Variants in L3MBTL4 observed in about 807,000 individuals in gnomAD.
L3MBTL4 encodes lethal(3)malignant brain tumor-like protein 4.
A neutral mutation model predicts 84.5 loss-of-function variants in L3MBTL4; 70 were observed. The observed-to-expected ratio is 0.83, with a 90% CI of 0.68 to 1.01. The LOEUF (loss-of-function observed/expected upper bound fraction) is 1.01. Among genes scored for constraint, L3MBTL4 ranks in the 50% least tolerant of loss-of-function variants. The probability of loss-of-function intolerance (pLI) is 0.00; values close to 1 mark genes in which losing one functional copy is unlikely to be tolerated. For missense variants in L3MBTL4, 715 were observed against 754.8 expected (o/e 0.95, Z 0.62); for synonymous variants, 274 against 259.8 (o/e 1.05, Z -0.52).
chr18:6,237,615 C>T (rs1394439096), intron 10 of L3MBTL4, among the ~76,000 whole-genome samples: 2 of 151,680 alleles, frequency 1.3e-5, no homozygotes, highest in African/African-American at 4.8e-5. Flanking sequence ...ACCACCACAC[C>T]CAGCTAATTT....
intron 1 of L3MBTL4, among the ~76,000 whole-genome samples, chr18:6,314,232 T>C (rs1190729885): frequency 6.6e-6 from 1 of 152,216 alleles, no homozygotes; most frequent in African/African-American, 2.4e-5. Context: ...TCAAAATACA[T>C]GGATTACTCT....
intron 4 of L3MBTL4, among the ~76,000 whole-genome samples, chr18:6,268,823 T>A (rs1189868595): frequency 6.6e-6 from 1 of 152,242 alleles, no homozygotes; most frequent in Non-Finnish European, 1.5e-5. Context: ...TATGTGTATG[T>A]GTATACGTGT....
intron 1 of L3MBTL4, among the ~76,000 whole-genome samples, chr18:6,377,444 G>A (rs994301341): frequency 6.6e-6 from 1 of 152,084 alleles, no homozygotes; most frequent in African/African-American, 2.4e-5. Context: ...CATACATTAG[G>A]TATTTCTCCT....
intron 1 of L3MBTL4, among the ~76,000 whole-genome samples, chr18:6,391,126 A>T (rs1356762479): frequency 6.6e-6 from 1 of 152,184 alleles, no homozygotes; most frequent in African/African-American, 2.4e-5. Context: ...ACATCAAAAG[A>T]TAATACACCA....
At chr18:6,324,889 C>T (rs945456449) in intron 1 of L3MBTL4, among the ~76,000 whole-genome samples, 1 of 152,114 alleles carries the variant, frequency 6.6e-6, no homozygotes, top group Admixed American at 6.5e-5. Context: ...GCACTTCACA[C>T]CAAAATTTAT....
chr18:6,165,459 C>A (rs1349118305), intron 13 of L3MBTL4, among the ~76,000 whole-genome samples: 3 of 152,146 alleles, frequency 2.0e-5, no homozygotes, highest in African/African-American at 7.2e-5. Flanking sequence ...CAAAGGGAAG[C>A]CCGTCAGACT....
At chr18:6,270,255 G>T (rs1366587319) in intron 4 of L3MBTL4, among the ~76,000 whole-genome samples, 1 of 152,216 alleles carries the variant, frequency 6.6e-6, no homozygotes, top group African/African-American at 2.4e-5. Context: ...AGGTCACTGT[G>T]ACGGGACCCT....
intron 16 of L3MBTL4, among the ~76,000 whole-genome samples, chr18:5,981,564 C>T (rs2053218052): frequency 6.6e-6 from 1 of 152,042 alleles, no homozygotes; most frequent in Non-Finnish European, 1.5e-5. Context: ...ACCTGTAACC[C>T]CAGTGCTTTG....
chr18:6,087,077 A>T (rs1339886986), intron 15 of L3MBTL4, among the ~76,000 whole-genome samples: 2 of 152,184 alleles, frequency 1.3e-5, no homozygotes, highest in Non-Finnish European at 2.9e-5. Context: ...AAGAACAAGG[A>T]TTTTTGTCTG....
chr18:6,109,080 G>A (rs2059106780), intron 14 of L3MBTL4, among the ~76,000 whole-genome samples: 2 of 152,136 alleles, frequency 1.3e-5, no homozygotes, highest in Admixed American at 1.3e-4. Context: ...CTTTTAGAGG[G>A]AGTTTAAGGT....
intron 16 of L3MBTL4, among the ~76,000 whole-genome samples, chr18:6,055,880 C>T (rs1243968567): frequency 6.6e-6 from 1 of 152,120 alleles, no homozygotes; most frequent in Non-Finnish European, 1.5e-5. Context: ...CTTTTGTCCT[C>T]AGCCTCTTCT....
At chr18:6,054,114 C>T (rs1371805415) in intron 16 of L3MBTL4, among the ~76,000 whole-genome samples, 1 of 152,090 alleles carries the variant, frequency 6.6e-6, no homozygotes. Flanking sequence ...ATAACATCTT[C>T]CCCACTAAAG....
intron 1 of L3MBTL4, among the ~76,000 whole-genome samples, chr18:6,359,343 G>T (rs1286604268): frequency 2.0e-5 from 3 of 152,120 alleles, no homozygotes; most frequent in Admixed American, 6.5e-5. Context: ...TATTTGGGAG[G>T]CTGAGGCAGG....
At chr18:6,295,541 G>A (rs553339973) in intron 4 of L3MBTL4, among the ~76,000 whole-genome samples, 1 of 151,890 alleles carries the variant, frequency 6.6e-6, no homozygotes, top group East Asian at 1.9e-4. Context: ...CCTACGGAGG[G>A]GGGCCCTTGA....
chr18:6,361,127 T>C (rs886831318), intron 1 of L3MBTL4, among the ~76,000 whole-genome samples: 3 of 151,866 alleles, frequency 2.0e-5, no homozygotes, highest in African/African-American at 7.3e-5. Context: ...GTAACAGGCC[T>C]TATTGATGTT....
rs187599774 is a variant in L3MBTL4 at position 6,230,116 on chromosome 18, G to T, written c.784+7848C>A. On this transcript the variant is annotated intron_variant, in intron 10 of 18. Coordinates refer to ENST00000317931, the MANE Select transcript of L3MBTL4 (RefSeq NM_001330559.2). ...TTTAGGTTCAGGCATACATGTGCAG[G>T]TTTGTTATACAGGTAAATTACATGT... Among the ~76,000 whole-genome samples, 684 of 152,174 alleles carry T rather than the reference G, an allele frequency of 4.5e-3. 7 individuals carry two copies. The highest frequency in any genetic ancestry group is 0.015 in the African/African-American group (641 of 41,514).
chr18:6,052,495 C>T (rs1300095992), intron 16 of L3MBTL4, among the ~76,000 whole-genome samples: 2 of 152,160 alleles, frequency 1.3e-5, no homozygotes, highest in Non-Finnish European at 2.9e-5. Context: ...GTACTTACTC[C>T]CTGCCAGTTG....
chr18:6,237,920 T>A, intron 10 of L3MBTL4, 44 bp downstream of exon 10: 2 of 1,450,810 alleles, frequency 1.4e-6, no homozygotes, highest in Non-Finnish European at 1.9e-6. Flanking sequence ...GGACTGCCAC[T>A]CACACAGAGA....
At chr18:6,181,125 T>G (rs2044452013) in intron 12 of L3MBTL4, among the ~76,000 whole-genome samples, 1 of 151,968 alleles carries the variant, frequency 6.6e-6, no homozygotes, top group Non-Finnish European at 1.5e-5. Flanking sequence ...TACTGGTTTT[T>G]GGGTACGGAC....
Sources: allele counts gnomAD v4.1 joint callset (sites outside exome capture counted in the v4.1 genomes callset), GRCh38; gene constraint gnomAD v4.1.1; transcripts MANE v1.5; gene names NCBI Gene and HGNC (gene_info 2026-07-23, HGNC 2026-07-21).